Variants in UNC13C observed in about 807,000 individuals in gnomAD.
The protein encoded by UNC13C is protein unc-13 homolog C.
UNC13C carries 174 observed loss-of-function variants against 245.4 expected under a neutral mutation model. That is an observed-to-expected ratio of 0.71 (90% CI 0.63 to 0.80). The LOEUF (loss-of-function observed/expected upper bound fraction) is 0.80, where lower values mean the gene tolerates loss of function less well. UNC13C is among the 30% of genes least tolerant of loss of function. The probability of loss-of-function intolerance (pLI) is 0.00; values close to 1 mark genes in which losing one functional copy is unlikely to be tolerated. For missense variants in UNC13C, 2,829 were observed against 2,602.9 expected, an observed-to-expected ratio of 1.09 and a Z score of -1.89; for synonymous variants, 992 against 895.1, an observed-to-expected ratio of 1.11 and a Z score of -1.93.
intron 24 of UNC13C, among the ~76,000 whole-genome samples, chr15:54,514,062 A>T (rs1226690411): frequency 1.3e-5 from 2 of 152,168 alleles, no homozygotes; most frequent in African/African-American, 4.8e-5. Context: ...ATTATGATAG[A>T]ATTTCTGATT....
the UNC13C span, among the ~76,000 whole-genome samples, chr15:53,941,101 A>T: frequency 1.3e-5 from 2 of 152,186 alleles, no homozygotes; most frequent in Non-Finnish European, 2.9e-5. Context: ...CTGGTACAAA[A>T]CAGACACATA....
chr15:54,230,497 C>A (rs1409982321), intron 4 of UNC13C, among the ~76,000 whole-genome samples: 1 of 151,878 alleles, frequency 6.6e-6, no homozygotes, highest in Non-Finnish European at 1.5e-5. Flanking sequence ...TCAGTAAAAT[C>A]AACTTTTATT....
chr15:54,038,912 C>G (rs73416917), intron 2 of UNC13C, among the ~76,000 whole-genome samples: 3,007 of 152,056 alleles, frequency 0.02, 119 homozygotes, highest in African/African-American at 0.07. Flanking sequence ...CTTGATGTAG[C>G]CTCTCTGTGG....
chr15:54,526,380 T>G (rs986927098), intron 25 of UNC13C, among the ~76,000 whole-genome samples: 1 of 152,184 alleles, frequency 6.6e-6, no homozygotes, highest in Non-Finnish European at 1.5e-5. Context: ...AAATATTAGT[T>G]AAATAACTGA....
intron 17 of UNC13C, among the ~76,000 whole-genome samples, chr15:54,351,035 T>C (rs1031517048): frequency 2.0e-5 from 3 of 152,198 alleles, no homozygotes; most frequent in African/African-American, 7.2e-5. Flanking sequence ...ACCCAGGAAA[T>C]TGATGAGTCT....
intron 1 of UNC13C, among the ~76,000 whole-genome samples, chr15:53,997,211 T>C (rs1478925719): frequency 2.0e-5 from 3 of 152,202 alleles, no homozygotes; most frequent in Non-Finnish European, 2.9e-5. Context: ...TTTGAACACC[T>C]TCCTTGGTGA....
Position 54,598,819 on chromosome 15 carries a change from C to A in UNC13C, c.6107-23508C>A, listed in dbSNP as rs187349129. Reference sequence around the variant, plus strand: ...ATTCATGCACTTGTCATTTAGCAGACACTCAGAAAATGTTAGCTGTATTGT... The same window carrying A: ...ATTCATGCACTTGTCATTTAGCAGAAACTCAGAAAATGTTAGCTGTATTGT... On this transcript the variant is annotated intron_variant, in intron 30 of 32. Transcript: ENST00000260323. Among the ~76,000 whole-genome samples the A allele has an allele frequency of 4.3e-4, 65 of 152,226 alleles. No homozygotes were observed. The East Asian group carries it at 0.01, about 24-fold the overall frequency.
the UNC13C span, among the ~76,000 whole-genome samples, chr15:53,839,126 C>T: frequency 6.6e-6 from 1 of 151,822 alleles, no homozygotes; most frequent in East Asian, 1.9e-4. Context: ...TGTGTATATG[C>T]ATGTATATAT....
At chr15:54,030,085 C>A (rs1006477463) in intron 2 of UNC13C, among the ~76,000 whole-genome samples, 1 of 152,154 alleles carries the variant, frequency 6.6e-6, no homozygotes, top group African/African-American at 2.4e-5. Context: ...GCAGCGGCAG[C>A]AGGTTCAGTC....
At chr15:53,982,909 C>G (rs774329651) in intron 1 of UNC13C, among the ~76,000 whole-genome samples, 2 of 152,138 alleles carry the variant, frequency 1.3e-5, no homozygotes, top group African/African-American at 2.4e-5. Flanking sequence ...AATTACTTGA[C>G]TCTGACTTGC....
chr15:53,857,908 T>A, the UNC13C span, among the ~76,000 whole-genome samples: 2 of 152,216 alleles, frequency 1.3e-5, no homozygotes, highest in East Asian at 1.9e-4. Context: ...CAATAATGAA[T>A]GCAGAGTTAT....
intron 29 of UNC13C, among the ~76,000 whole-genome samples, chr15:54,555,935 TA>T (rs1897069924): frequency 6.6e-6 from 1 of 152,072 alleles, no homozygotes; most frequent in South Asian, 2.1e-4. Context: ...AAATTATTTT[TA>T]AAATATCAAC....
intron 4 of UNC13C, among the ~76,000 whole-genome samples, chr15:54,160,251 G>T (rs78475526): frequency 0.018 from 2,787 of 151,592 alleles, 101 homozygotes; most frequent in African/African-American, 0.064. Context: ...TAGGTCATGG[G>T]AGAAAGTTTA....
intron 13 of UNC13C, among the ~76,000 whole-genome samples, chr15:54,304,692 C>T (rs767480233): frequency 6.6e-6 from 1 of 150,514 alleles, no homozygotes; most frequent in Non-Finnish European, 1.5e-5. Flanking sequence ...GATCTTGTCC[C>T]TGTTGCAGTA....
At chr15:54,352,964 C>T (rs2039017381) in intron 17 of UNC13C, among the ~76,000 whole-genome samples, 1 of 152,060 alleles carries the variant, frequency 6.6e-6, no homozygotes, top group African/African-American at 2.4e-5. Context: ...TTGAGACGTT[C>T]TTCTTTGGCA....
intron 4 of UNC13C, among the ~76,000 whole-genome samples, chr15:54,164,414 C>G (rs1040569420): frequency 2.0e-5 from 3 of 152,066 alleles, no homozygotes; most frequent in African/African-American, 7.2e-5. Flanking sequence ...CCAATGTAAA[C>G]CAAGTTAAAA....
intron 7 of UNC13C, among the ~76,000 whole-genome samples, chr15:54,246,425 T>TG (rs2035994370): frequency 1.3e-5 from 2 of 151,434 alleles, no homozygotes; most frequent in Admixed American, 6.6e-5. Context: ...TTTTTTTTTT[T>TG]TCTAATTGCA....
chr15:54,044,412 C>T, intron 2 of UNC13C: 1 of 329,714 alleles, frequency 3.0e-6, no homozygotes, highest in Non-Finnish European at 6.2e-6. Flanking sequence ...TTTATGATAA[C>T]ATATATTTAA....
intron 4 of UNC13C, among the ~76,000 whole-genome samples, chr15:54,229,083 TG>T (rs2035477180): frequency 6.6e-6 from 1 of 152,204 alleles, no homozygotes; most frequent in Non-Finnish European, 1.5e-5. Context: ...CTGTGGGCAC[TG>T]GCTGAGTTCT....
Sources: allele counts gnomAD v4.1 joint callset (sites outside exome capture counted in the v4.1 genomes callset), GRCh38; gene constraint gnomAD v4.1.1; transcripts MANE v1.5; gene names NCBI Gene and HGNC (gene_info 2026-07-23, HGNC 2026-07-21).